Variants in A1CF observed in about 807,000 individuals in gnomAD.
A1CF encodes APOBEC-1 stimulating protein.
In A1CF, 48 loss-of-function variants were observed where a neutral mutation model predicts 68.9. The observed-to-expected ratio is 0.70, with a 90% CI of 0.55 to 0.89. The LOEUF (loss-of-function observed/expected upper bound fraction) is 0.89. A1CF is among the 40% of genes least tolerant of loss of function. The pLI is 0.00. For synonymous variants in A1CF, 272 were observed against 260.4 expected, an observed-to-expected ratio of 1.04 and a Z score of -0.43; for missense variants, 653 against 718.9, an observed-to-expected ratio of 0.91 and a Z score of 1.05.
At chr10:50,874,966 T>A (rs1244165341) in intron 1 of A1CF, among the ~76,000 whole-genome samples, 3 of 152,132 alleles carry the variant, frequency 2.0e-5, no homozygotes, top group African/African-American at 7.2e-5. Context: ...AATGACAGAT[T>A]TTAAAGCTTC....
rs373465361 is a variant in A1CF at position 50,880,128 on chromosome 10, A to G, written c.-94+5453T>C. ...ACAAAAACCCAAGCTGGGGAACCCAACTTGCTTTTCTCTGTCAAATAAAGG... is the reference window on the plus strand; with the variant it reads ...ACAAAAACCCAAGCTGGGGAACCCAGCTTGCTTTTCTCTGTCAAATAAAGG... On this transcript the variant is annotated intron_variant, in intron 1 of 12. Coordinates refer to ENST00000373997, the MANE Select transcript of A1CF (RefSeq NM_014576.4). Among the ~76,000 whole-genome samples the G allele has an allele frequency of 3.7e-4, 57 of 152,228 alleles. 3 individuals are homozygous for G. In the South Asian group the frequency reaches 0.011, roughly 29 times the overall value.
intron 12 of A1CF, 137 bp downstream of exon 12, chr10:50,809,755 ACT>A: frequency 2.3e-6 from 3 of 1,304,396 alleles, no homozygotes; most frequent in Non-Finnish European, 3.1e-6. Flanking sequence ...CATTTGGGAA[ACT>A]CTTTTTGGTC....
chr10:50,818,220 G>C (rs146334995), intron 8 of A1CF, among the ~76,000 whole-genome samples: 139 of 152,116 alleles, frequency 9.1e-4, no homozygotes, highest in African/African-American at 3.3e-3. Flanking sequence ...TCTCTCACCT[G>C]TATTAAAAAG....
intron 3 of A1CF, among the ~76,000 whole-genome samples, chr10:50,847,937 C>T (rs1840074072): frequency 6.6e-6 from 1 of 152,158 alleles, no homozygotes; most frequent in Non-Finnish European, 1.5e-5. Context: ...TCTAAAGTTT[C>T]TGTGAACCAG....
At chr10:50,878,433 C>T (rs966024345) in intron 1 of A1CF, among the ~76,000 whole-genome samples, 5 of 152,196 alleles carry the variant, frequency 3.3e-5, no homozygotes, top group African/African-American at 1.2e-4. Flanking sequence ...CCTGACTTTA[C>T]AGAAGAGGAA....
Position 50,864,429 on chromosome 10 carries a change from T to C in A1CF, c.-93-349A>G, listed in dbSNP as rs116699088. Among the ~76,000 whole-genome samples the C allele has an allele frequency of 5.8e-3, 879 of 152,264 alleles. 8 individuals are homozygous for C. Among genetic ancestry groups the C allele is most frequent in the African/African-American group, 0.019 (796 of 41,560 alleles). ...TCCCTTCCCTTCTCCTTTATATCCCTTCTAACAATGGGATGAGCAAAGGAC... is the reference window on the plus strand; with the variant it reads ...TCCCTTCCCTTCTCCTTTATATCCCCTCTAACAATGGGATGAGCAAAGGAC... On this transcript the variant is annotated intron_variant, in intron 1 of 12. Coordinates refer to ENST00000373997, the MANE Select transcript of A1CF (RefSeq NM_014576.4).
At chr10:50,870,923 G>A (rs1589044344) in intron 1 of A1CF, among the ~76,000 whole-genome samples, 1 of 151,508 alleles carries the variant, frequency 6.6e-6, no homozygotes, top group African/African-American at 2.4e-5. Flanking sequence ...AAAATATAAA[G>A]TTTATTAAAC....
At chr10:50,829,992 A>T (rs1189477897) in intron 6 of A1CF, among the ~76,000 whole-genome samples, 1 of 152,196 alleles carries the variant, frequency 6.6e-6, no homozygotes, top group East Asian at 1.9e-4. Context: ...TACATGTAAA[A>T]TGATTAAATG....
intron 6 of A1CF, among the ~76,000 whole-genome samples, chr10:50,828,837 C>A (rs929470245): frequency 3.3e-5 from 5 of 152,110 alleles, no homozygotes; most frequent in Non-Finnish European, 5.9e-5. Flanking sequence ...CTCTGTCCCT[C>A]ACACTTGGTC....
intron 5 of A1CF, 37 bp downstream of exon 5, chr10:50,841,821 ATTGT>A: frequency 6.2e-7 from 1 of 1,606,486 alleles, no homozygotes; most frequent in African/African-American, 1.3e-5. Flanking sequence ...ACACAGGTGC[ATTGT>A]TTGTTTCACT....
chr10:50,875,579 C>G (rs1261412550), intron 1 of A1CF, among the ~76,000 whole-genome samples: 1 of 152,216 alleles, frequency 6.6e-6, no homozygotes, highest in Non-Finnish European at 1.5e-5. Flanking sequence ...CTAACAGTCT[C>G]TTTATCCAGA....
At chr10:50,838,774 T>C (rs1040691309) in intron 5 of A1CF, among the ~76,000 whole-genome samples, 16 of 152,172 alleles carry the variant, frequency 1.1e-4, no homozygotes, top group Non-Finnish European at 2.9e-5. Context: ...CAAGGCAGAG[T>C]GCAAGTAGGT....
At chr10:50,807,680 C>G (rs1431295311) in intron 12 of A1CF, among the ~76,000 whole-genome samples, 1 of 152,170 alleles carries the variant, frequency 6.6e-6, no homozygotes, top group Non-Finnish European at 1.5e-5. Flanking sequence ...TAGCTACTAT[C>G]TAAAGCATTA....
chr10:50,846,309 G>T (rs1191974997), intron 3 of A1CF, among the ~76,000 whole-genome samples: 3 of 152,150 alleles, frequency 2.0e-5, no homozygotes, highest in Non-Finnish European at 4.4e-5. Flanking sequence ...TAATGTATAT[G>T]CAAAAATTCT....
intron 10 of A1CF, among the ~76,000 whole-genome samples, chr10:50,812,815 G>A (rs1838181988): frequency 6.6e-6 from 1 of 152,190 alleles, no homozygotes; most frequent in South Asian, 2.1e-4. Flanking sequence ...TGGTGCATAA[G>A]AGAAGTTTAC....
chr10:50,847,385 C>A (rs756543764), intron 3 of A1CF, among the ~76,000 whole-genome samples: 15 of 152,028 alleles, frequency 9.9e-5, no homozygotes, highest in Non-Finnish European at 1.5e-4. Context: ...CTGAGCCTAC[C>A]CAGTTACTCA....
intron 1 of A1CF, among the ~76,000 whole-genome samples, chr10:50,878,872 T>G (rs1841643689): frequency 6.6e-6 from 1 of 152,194 alleles, no homozygotes; most frequent in Admixed American, 6.5e-5. Flanking sequence ...ATGACTTTAC[T>G]AACAAAATTC....
At chr10:50,861,645 TTAA>T (rs938234201) in intron 2 of A1CF, among the ~76,000 whole-genome samples, 30 of 147,782 alleles carry the variant, frequency 2.0e-4, no homozygotes, top group African/African-American at 7.1e-4. Context: ...TGTAGCACTA[TTAA>T]TAATGACAGT....
intron 2 of A1CF, 35 bp downstream of exon 2, chr10:50,863,998 G>A (rs1002361666): frequency 4.6e-5 from 7 of 152,154 alleles, no homozygotes; most frequent in African/African-American, 1.7e-4. Context: ...ACTAATATAT[G>A]CCAATACACA....
Sources: gnomAD v4.1 joint callset for allele counts (sites outside exome capture counted in the v4.1 genomes callset) on GRCh38, gnomAD v4.1.1 for gene constraint, MANE v1.5 for transcripts, NCBI Gene and HGNC (gene_info 2026-07-23, HGNC 2026-07-21) for gene names.